SLC9A9: variants seen among roughly 807,000 people sequenced by gnomAD.
SLC9A9 encodes the protein solute carrier family 9 member A9.
Under a neutral mutation model 77.8 loss-of-function variants are expected in SLC9A9, and 62 were observed. That is an observed-to-expected ratio of 0.80 (90% CI 0.65 to 0.98). SLC9A9 has a LOEUF of 0.98. Among genes scored for constraint, SLC9A9 ranks in the 50% least tolerant of loss-of-function variants. The pLI, the probability that SLC9A9 is intolerant of heterozygous loss-of-function variation, is 0.00. For missense variants in SLC9A9, 775 were observed against 774.9 expected (o/e 1.00, Z 0.00); for synonymous variants, 320 against 283.5 (o/e 1.13, Z -1.29).
chr3:143,660,323 G>A (rs1447344773), intron 5 of SLC9A9, among the ~76,000 whole-genome samples: 1 of 152,188 alleles, frequency 6.6e-6, no homozygotes, highest in East Asian at 1.9e-4. Flanking sequence ...CCAACACACT[G>A]TTCTTGGCTC....
Position 143,345,763 on chromosome 3 carries a change from A to G in SLC9A9, c.1604+17721T>C, listed in dbSNP as rs141354243. On this transcript the variant is annotated intron_variant, in intron 14 of 15. Coordinates refer to ENST00000316549, the MANE Select transcript of SLC9A9 (RefSeq NM_173653.4). ...TGCCCAAAAGCAACATGTTGCCTTC[A>G]TCTCTGGTTAGGGTTTTTCCAGATG... Among the ~76,000 whole-genome samples the G allele has an allele frequency of 3.5e-3, 535 of 152,290 alleles. 4 individuals carry two copies. The highest frequency in any genetic ancestry group is 0.012 in the African/African-American group (512 of 41,562).
intron 9 of SLC9A9, among the ~76,000 whole-genome samples, chr3:143,547,538 C>T (rs1576568901): frequency 6.6e-6 from 1 of 152,186 alleles, no homozygotes; most frequent in Admixed American, 6.5e-5. Flanking sequence ...AGTGTTTCCC[C>T]ACCTCATTTG....
intron 11 of SLC9A9, among the ~76,000 whole-genome samples, chr3:143,467,894 A>G (rs2035312657): frequency 6.6e-6 from 1 of 152,216 alleles, no homozygotes; most frequent in East Asian, 1.9e-4. Flanking sequence ...TTGTCATTTC[A>G]AGACAGTTAT....
At chr3:143,629,373 A>C (rs1469452325) in intron 6 of SLC9A9, among the ~76,000 whole-genome samples, 1 of 152,212 alleles carries the variant, frequency 6.6e-6, no homozygotes, top group Non-Finnish European at 1.5e-5. Flanking sequence ...TATATTAGGG[A>C]ATAATAGACA....
At chr3:143,724,512 C>T (rs1034960948) in intron 4 of SLC9A9, among the ~76,000 whole-genome samples, 10 of 152,152 alleles carry the variant, frequency 6.6e-5, no homozygotes, top group African/African-American at 1.9e-4. Flanking sequence ...AATTTAACTT[C>T]GTGGAAAGCT....
At chr3:143,600,011 C>G (rs1559987400) in intron 6 of SLC9A9, among the ~76,000 whole-genome samples, 1 of 149,186 alleles carries the variant, frequency 6.7e-6, no homozygotes, top group Non-Finnish European at 1.5e-5. Flanking sequence ...GTTTTGCTAC[C>G]TTTTTTTTTT....
intron 12 of SLC9A9, among the ~76,000 whole-genome samples, chr3:143,452,589 T>C (rs2035027185): frequency 6.6e-6 from 1 of 150,612 alleles, no homozygotes; most frequent in African/African-American, 2.4e-5. Context: ...GTTTTTGCAA[T>C]AACTGGAAAA....
chr3:143,339,915 G>A (rs751215329), intron 14 of SLC9A9, among the ~76,000 whole-genome samples: 1 of 152,148 alleles, frequency 6.6e-6, no homozygotes. Context: ...GGTGTGCTAT[G>A]TACAATTATG....
intron 9 of SLC9A9, among the ~76,000 whole-genome samples, chr3:143,513,138 A>AT: frequency 6.6e-6 from 1 of 152,256 alleles, no homozygotes; most frequent in Admixed American, 6.5e-5. Flanking sequence ...TTTACAAAAG[A>AT]TTTTTCTGTA....
At chr3:143,374,258 T>C (rs1287329462) in intron 13 of SLC9A9, among the ~76,000 whole-genome samples, 4 of 151,408 alleles carry the variant, frequency 2.6e-5, no homozygotes, top group African/African-American at 7.3e-5. Flanking sequence ...ACCCCGTCTG[T>C]ACTGAAAATA....
At chr3:143,507,446 A>T (rs1023329319) in intron 9 of SLC9A9, among the ~76,000 whole-genome samples, 1 of 152,104 alleles carries the variant, frequency 6.6e-6, no homozygotes, top group Non-Finnish European at 1.5e-5. Flanking sequence ...TGACCTCGTG[A>T]TCTGCCTGCC....
intron 4 of SLC9A9, among the ~76,000 whole-genome samples, chr3:143,735,517 A>C (rs1286720630): frequency 6.6e-6 from 1 of 152,226 alleles, no homozygotes; most frequent in Non-Finnish European, 1.5e-5. Context: ...CTGTGAGTTA[A>C]TGTCCAGCAC....
chr3:143,281,373 T>TAA (rs143790048), intron 14 of SLC9A9, among the ~76,000 whole-genome samples: 1 of 151,900 alleles, frequency 6.6e-6, no homozygotes, highest in African/African-American at 2.4e-5. Flanking sequence ...TCTATTTCAT[T>TAA]AAAAAAAATG....
intron 5 of SLC9A9, among the ~76,000 whole-genome samples, chr3:143,667,640 A>G (rs1166624452): frequency 6.6e-6 from 1 of 152,220 alleles, no homozygotes; most frequent in Non-Finnish European, 1.5e-5. Context: ...TACAAGAAAA[A>G]AATCAAACAA....
At chr3:143,589,898 T>C (rs2037617791) in intron 6 of SLC9A9, among the ~76,000 whole-genome samples, 1 of 152,170 alleles carries the variant, frequency 6.6e-6, no homozygotes, top group African/African-American at 2.4e-5. Context: ...CTTCATAGAC[T>C]GAGGCAAAGT....
intron 4 of SLC9A9, among the ~76,000 whole-genome samples, chr3:143,744,103 A>G (rs993144327): frequency 2.0e-5 from 3 of 152,220 alleles, no homozygotes; most frequent in Non-Finnish European, 4.4e-5. Context: ...CCAGATACTG[A>G]TAACATAGAA....
chr3:143,518,981 C>A (rs2036249469), intron 9 of SLC9A9, among the ~76,000 whole-genome samples: 1 of 152,216 alleles, frequency 6.6e-6, no homozygotes, highest in Non-Finnish European at 1.5e-5. Flanking sequence ...TGCTCCACAT[C>A]CTTGCCCAAA....
intron 14 of SLC9A9, among the ~76,000 whole-genome samples, chr3:143,353,896 C>A (rs1370378564): frequency 6.6e-6 from 1 of 152,134 alleles, no homozygotes; most frequent in Non-Finnish European, 1.5e-5. Flanking sequence ...AGATCTGTGA[C>A]AGAAAGGAAA....
chr3:143,846,454 G>A (rs1224891832), intron 1 of SLC9A9, among the ~76,000 whole-genome samples: 1 of 152,054 alleles, frequency 6.6e-6, no homozygotes, highest in African/African-American at 2.4e-5. Context: ...AGGAACCTAG[G>A]GCTTCACATC....
Sources: allele counts gnomAD v4.1 joint callset (sites outside exome capture counted in the v4.1 genomes callset), GRCh38; gene constraint gnomAD v4.1.1; transcripts MANE v1.5; gene names NCBI Gene and HGNC (gene_info 2026-07-23, HGNC 2026-07-21).